Variants in PGM1 observed in about 807,000 individuals in gnomAD.
PGM1 encodes phosphoglucomutase-1.
A neutral mutation model predicts 55.6 loss-of-function variants in PGM1; 52 were observed. That is an observed-to-expected ratio of 0.94 (90% CI 0.75 to 1.18). The LOEUF is 1.18. Among genes scored for constraint, PGM1 ranks in the 50% most tolerant of loss-of-function variants. The pLI is 0.00. For synonymous variants in PGM1, 287 were observed against 271.7 expected (o/e 1.06, Z -0.55); for missense variants, 724 against 729.3 (o/e 0.99, Z 0.08).
chr1:63,629,067 A>G (rs1486986032), intron 1 of PGM1, among the ~76,000 whole-genome samples: 2 of 152,144 alleles, frequency 1.3e-5, no homozygotes, highest in Non-Finnish European at 2.9e-5. Context: ...ATTGGATAAA[A>G]ATGTGGGTTT....
At chr1:63,626,070 A>T (rs949263123) in intron 1 of PGM1, among the ~76,000 whole-genome samples, 1 of 152,170 alleles carries the variant, frequency 6.6e-6, no homozygotes, top group Non-Finnish European at 1.5e-5. Context: ...ACAATGAGAT[A>T]CCCATTTTGG....
chr1:63,617,285 A>G (rs1364422086), intron 1 of PGM1, among the ~76,000 whole-genome samples: 2 of 152,134 alleles, frequency 1.3e-5, no homozygotes, highest in African/African-American at 2.4e-5. Context: ...CCCAGGTACT[A>G]CGGAGCCCTG....
intron 1 of PGM1, among the ~76,000 whole-genome samples, chr1:63,595,115 C>G (rs1473573273): frequency 6.6e-6 from 1 of 152,122 alleles, no homozygotes; most frequent in Admixed American, 6.5e-5. Flanking sequence ...TGGAACGCAT[C>G]CCCTGAAATG....
At chr1:63,594,976 G>GAAAAA (rs1372900666) in intron 1 of PGM1, among the ~76,000 whole-genome samples, 1 of 102,354 alleles carries the variant, frequency 9.8e-6, no homozygotes. Flanking sequence ...AAAAAAAAAA[G>GAAAAA]AAAAAAAAAG....
intron 1 of PGM1, among the ~76,000 whole-genome samples, chr1:63,601,648 A>C (rs1188225597): frequency 2.0e-5 from 3 of 152,220 alleles, no homozygotes; most frequent in Non-Finnish European, 2.9e-5. Flanking sequence ...TGCGGAGAAG[A>C]CTTTTCTCCC....
chr1:63,654,503 G>C, intron 10 of PGM1, 37 bp downstream of exon 10: 7 of 1,610,298 alleles, frequency 4.3e-6, no homozygotes, highest in Non-Finnish European at 5.9e-6. Flanking sequence ...AGTTCTTTCT[G>C]TTCAAGGGAA....
At chr1:63,636,462 G>T in intron 6 of PGM1, 74 bp downstream of exon 6, 1 of 1,416,668 alleles carries the variant, frequency 7.1e-7, no homozygotes, top group Non-Finnish European at 1.0e-6. Flanking sequence ...ACTGTGCCTG[G>T]AACACGTGTC....
chr1:63,612,067 G>T (rs1044068381), intron 1 of PGM1, among the ~76,000 whole-genome samples: 1 of 151,904 alleles, frequency 6.6e-6, no homozygotes, highest in South Asian at 2.1e-4. Flanking sequence ...GACCAGCCTG[G>T]CCAACATGGT....
chr1:63,649,012 C>T (rs1364052686), intron 8 of PGM1, among the ~76,000 whole-genome samples: 2 of 152,154 alleles, frequency 1.3e-5, no homozygotes, highest in Non-Finnish European at 2.9e-5. Context: ...TAGCTTTTCT[C>T]TGTACTCAGT....
In PGM1 at chr1:63,633,942, T is replaced by TATTTATTTA. The variant is rs1557433817; in HGVS notation, c.683-887_683-886insATTTATTTA. Among the ~76,000 whole-genome samples the TATTTATTTA allele has an allele frequency of 2.4e-3, 291 of 122,150 alleles. 5 individuals are homozygous for TATTTATTTA. Among genetic ancestry groups the TATTTATTTA allele is most frequent in the African/African-American group, 9.7e-3 (283 of 29,076 alleles). The allele number at this position is 122,150 out of a possible 152,430, so 80.1% of individuals were successfully genotyped here. ...TGTATATATATATATATTTTTTTTTTTTTTTTTTTTTTTTTTTTTAGTAGA... is the reference window on the plus strand; with the variant it reads ...TGTATATATATATATATTTTTTTTTTATTTATTTATTTTTTTTTTTTTTTTTTTAGTAGA... On this transcript the variant is annotated intron_variant, in intron 4 of 10. Transcript: ENST00000371084.
intron 1 of PGM1, among the ~76,000 whole-genome samples, chr1:63,605,806 A>C (rs988803775): frequency 6.6e-6 from 1 of 152,052 alleles, no homozygotes; most frequent in African/African-American, 2.4e-5. Flanking sequence ...TTCTGAGCTC[A>C]AGCAATCCAC....
chr1:63,659,325 TG>T (rs1650052683), intron 10 of PGM1, among the ~76,000 whole-genome samples: 2 of 152,228 alleles, frequency 1.3e-5, no homozygotes, highest in Non-Finnish European at 2.9e-5. Flanking sequence ...GCTCATGGAC[TG>T]GGCATGGGGA....
rs752872952 is a variant in PGM1 at position 63,636,272 on chromosome 1, G to T, written c.912G>T (p.Val304=). Residue 304 remains valine (V), a synonymous_variant, in exon 6 of 11, where the codon GTG becomes GTT. Coordinates refer to ENST00000371084, the MANE Select transcript of PGM1 (RefSeq NM_002633.3). ...NMILGKHGFF[V]NPSDSVAVIA... ...TTCTGGGCAAGCATGGGTTCTTTGT[G>T]AACCCTTCAGACTCTGTGGCTGTCA... 3.1e-6 allele frequency: 5 copies of T among 1,614,144 alleles called. No individual in the cohort carries two copies. Among genetic ancestry groups the T allele is most frequent in the Non-Finnish European group, 3.4e-6 (4 of 1,179,992 alleles).
At chr1:63,602,436 G>GCAA (rs1648270266) in intron 1 of PGM1, among the ~76,000 whole-genome samples, 1 of 152,178 alleles carries the variant, frequency 6.6e-6, no homozygotes, top group Non-Finnish European at 1.5e-5. Flanking sequence ...ATACCATATG[G>GCAA]CTTATTTTGG....
intron 8 of PGM1, among the ~76,000 whole-genome samples, chr1:63,650,709 A>C (rs1649785524): frequency 6.6e-6 from 1 of 152,222 alleles, no homozygotes; most frequent in Admixed American, 6.5e-5. Context: ...CCACCTGTAC[A>C]AGTCTTTAAC....
At chr1:63,639,786 C>CTTCAT (rs2100991622) in intron 7 of PGM1, among the ~76,000 whole-genome samples, 1 of 152,248 alleles carries the variant, frequency 6.6e-6, no homozygotes, top group Admixed American at 6.5e-5. Context: ...AGAATACTGA[C>CTTCAT]TTCATTTCCT....
rs1647921674 is a variant in PGM1 at position 63,593,423 on chromosome 1, G to GCCTCAGCCGGCCGCC, written c.-61_-47dup. 1 of 1,607,500 alleles carries GCCTCAGCCGGCCGCC rather than the reference G, an allele frequency of 6.2e-7. No individual in the cohort carries two copies. Among genetic ancestry groups the GCCTCAGCCGGCCGCC allele is most frequent in the Non-Finnish European group, 8.5e-7 (1 of 1,177,180 alleles). On this transcript the variant is annotated 5_prime_UTR_variant, in exon 1 of 11. Coordinates refer to ENST00000371084, the MANE Select transcript of PGM1 (RefSeq NM_002633.3). Reference sequence around the variant, plus strand: ...GTGCCCTCACCCCAGAGCAGCTGCAGCCTCAGCCGGCCGCCCCTCCGCCAG... The same window carrying GCCTCAGCCGGCCGCC: ...GTGCCCTCACCCCAGAGCAGCTGCAGCCTCAGCCGGCCGCCCCTCAGCCGGCCGCCCCTCCGCCAG...
intron 6 of PGM1, among the ~76,000 whole-genome samples, chr1:63,636,962 C>A (rs1570501973): frequency 1.3e-5 from 2 of 152,138 alleles, no homozygotes; most frequent in East Asian, 3.9e-4. Flanking sequence ...TATATCACTT[C>A]ATTGTACAAA....
At chr1:63,647,935 G>A (rs141238765) in intron 7 of PGM1, among the ~76,000 whole-genome samples, 132 of 152,130 alleles carry the variant, frequency 8.7e-4, no homozygotes, top group African/African-American at 3.1e-3. Flanking sequence ...CATTTTTATT[G>A]ACTTATGCCT....
Sources: allele counts gnomAD v4.1 joint callset (sites outside exome capture counted in the v4.1 genomes callset), GRCh38; gene constraint gnomAD v4.1.1; transcripts MANE v1.5; gene names NCBI Gene and HGNC (gene_info 2026-07-23, HGNC 2026-07-21).